The following SNTG1 variants were observed in gnomAD, a reference collection of about 807,000 sequenced individuals.
SNTG1 encodes gamma-1-syntrophin.
SNTG1 carries 39 observed loss-of-function variants against 74.7 expected under a neutral mutation model. The ratio of observed to expected loss-of-function variants is 0.52; its 90% CI spans 0.40 to 0.68. The LOEUF (loss-of-function observed/expected upper bound fraction) is 0.68. Ranked by LOEUF, SNTG1 falls within the 30% of genes least tolerant of loss-of-function variation. The pLI is 0.00. For missense variants in SNTG1, 685 were observed against 609.5 expected, an observed-to-expected ratio of 1.12 and a Z score of -1.30; for synonymous variants, 254 against 217.1, an observed-to-expected ratio of 1.17 and a Z score of -1.49.
intron 2 of SNTG1, among the ~76,000 whole-genome samples, chr8:50,249,999 G>T (rs1336250702): frequency 6.6e-6 from 1 of 151,456 alleles, no homozygotes; most frequent in Non-Finnish European, 1.5e-5. Context: ...TAAAATGCTT[G>T]AAAAAGAATT....
chr8:50,413,850 TTAAAC>T (rs2092981729), intron 4 of SNTG1, among the ~76,000 whole-genome samples: 2 of 152,176 alleles, frequency 1.3e-5, no homozygotes, highest in Admixed American at 1.3e-4. Context: ...AGTCTATCAT[TTAAAC>T]TATTTATTGA....
At chr8:50,295,805 T>C (rs1032801909) in intron 2 of SNTG1, among the ~76,000 whole-genome samples, 5 of 152,290 alleles carry the variant, frequency 3.3e-5, no homozygotes, top group African/African-American at 1.2e-4. Context: ...ACTGAACATA[T>C]CATGCATAGA....
At chr8:50,072,858 G>A (rs1821496499) in intron 1 of SNTG1, among the ~76,000 whole-genome samples, 1 of 152,144 alleles carries the variant, frequency 6.6e-6, no homozygotes, top group Non-Finnish European at 1.5e-5. Flanking sequence ...AGTGTACTAA[G>A]TGTACAATAA....
chr8:50,105,565 G>C lies in SNTG1; in HGVS notation c.-102-66996G>C, dbSNP rs192053038. Among the ~76,000 whole-genome samples, 4 of 151,496 alleles carry C rather than the reference G, an allele frequency of 2.6e-5. No individual in the cohort carries two copies. In the East Asian group the frequency reaches 7.8e-4, roughly 29 times the overall value. ...CTTCAAATAATTTTTTTCTAATTCTGTGAAGAAAGTTATTGGAATTTTAGT... is the reference window on the plus strand; with the variant it reads ...CTTCAAATAATTTTTTTCTAATTCTCTGAAGAAAGTTATTGGAATTTTAGT... On this transcript the variant is annotated intron_variant, in intron 1 of 18. Transcript: ENST00000642720.
intron 8 of SNTG1, among the ~76,000 whole-genome samples, chr8:50,487,363 A>T (rs187914873): frequency 3.6e-4 from 55 of 152,292 alleles, no homozygotes; most frequent in Middle Eastern, 3.4e-3. Context: ...ACTATAAATC[A>T]TGCTGCTATA....
chr8:50,590,454 A>G (rs2094684255), intron 12 of SNTG1, among the ~76,000 whole-genome samples: 1 of 152,106 alleles, frequency 6.6e-6, no homozygotes, highest in South Asian at 2.1e-4. Flanking sequence ...AATGTTCAAC[A>G]CACATACTTT....
At chr8:50,571,897 C>T (rs80054431) in intron 12 of SNTG1, among the ~76,000 whole-genome samples, 143 of 152,142 alleles carry the variant, frequency 9.4e-4, no homozygotes, top group African/African-American at 3.3e-3. Context: ...TTTAGAAACC[C>T]CTCATTCTAA....
At position 50,084,150 on chromosome 8, in the gene SNTG1, C is replaced by T. The variant is rs555254891; in HGVS notation, c.-102-88411C>T. On this transcript the variant is annotated intron_variant, in intron 1 of 18. Transcript: ENST00000642720. ...GAAATGTTGTGCTAAATAGTGTATG[C>T]TAGAAAATATTTAAGTAAACTGTAA... is the stretch of plus-strand genomic sequence containing the variant. Among the ~76,000 whole-genome samples the T allele has an allele frequency of 3.3e-5, 5 of 152,160 alleles. No homozygotes were observed. The East Asian group carries it at 7.7e-4, about 24-fold the overall frequency.
intron 2 of SNTG1, among the ~76,000 whole-genome samples, chr8:50,198,460 C>T (rs764063727): frequency 3.9e-5 from 6 of 152,098 alleles, no homozygotes; most frequent in Non-Finnish European, 8.8e-5. Context: ...GATTTTTCTC[C>T]AGCCTTGACA....
chr8:50,104,109 T>A (rs934329881), intron 1 of SNTG1, among the ~76,000 whole-genome samples: 1 of 152,162 alleles, frequency 6.6e-6, no homozygotes, highest in Non-Finnish European at 1.5e-5. Flanking sequence ...CCTTTTTCTA[T>A]TGATTGGAAT....
chr8:50,190,682 T>A (rs1021806073), intron 2 of SNTG1, among the ~76,000 whole-genome samples: 1 of 152,184 alleles, frequency 6.6e-6, no homozygotes, highest in African/African-American at 2.4e-5. Context: ...ATTGTTTCAA[T>A]AAAGCTTCTT....
intron 1 of SNTG1, among the ~76,000 whole-genome samples, chr8:50,144,791 C>A (rs1039419553): frequency 1.3e-5 from 2 of 152,010 alleles, no homozygotes; most frequent in Non-Finnish European, 2.9e-5. Context: ...GTACACAGAG[C>A]ATTTTTTATA....
chr8:50,308,864 A>C (rs2089998092), intron 2 of SNTG1, among the ~76,000 whole-genome samples: 1 of 152,060 alleles, frequency 6.6e-6, no homozygotes, highest in Non-Finnish European at 1.5e-5. Flanking sequence ...CTGGCAAATG[A>C]TTTCCAGAGC....
At chr8:50,339,810 A>T (rs2091266208) in intron 2 of SNTG1, among the ~76,000 whole-genome samples, 1 of 151,974 alleles carries the variant, frequency 6.6e-6, no homozygotes, top group Admixed American at 6.6e-5. Flanking sequence ...GTCAACAATG[A>T]CTTCAAATAT....
At chr8:50,033,451 G>T (rs1170216628) in intron 1 of SNTG1, among the ~76,000 whole-genome samples, 4 of 152,238 alleles carry the variant, frequency 2.6e-5, no homozygotes, top group African/African-American at 9.6e-5. Flanking sequence ...AATAATAATT[G>T]ATATATACCT....
chr8:50,339,568 ATAG>A (rs1349749144), intron 2 of SNTG1, among the ~76,000 whole-genome samples: 2 of 151,972 alleles, frequency 1.3e-5, no homozygotes, highest in Non-Finnish European at 2.9e-5. Flanking sequence ...GTGTTTTAGT[ATAG>A]TAGTCTTATA....
intron 1 of SNTG1, among the ~76,000 whole-genome samples, chr8:50,110,658 ATATT>A (rs576930096): frequency 1.1e-4 from 17 of 152,132 alleles, no homozygotes; most frequent in Non-Finnish European, 2.4e-4. Context: ...CCAGGTAAAC[ATATT>A]TAGTATATTT....
At chr8:50,104,897 C>T (rs532809223) in intron 1 of SNTG1, among the ~76,000 whole-genome samples, 67 of 152,118 alleles carry the variant, frequency 4.4e-4, no homozygotes, top group African/African-American at 1.6e-3. Context: ...TTGTTTTTCA[C>T]TTGTTGTTGT....
chr8:49,960,346 A>G (rs1810565614), intron 1 of SNTG1, among the ~76,000 whole-genome samples: 1 of 152,214 alleles, frequency 6.6e-6, no homozygotes, highest in African/African-American at 2.4e-5. Flanking sequence ...CTGTATTAAT[A>G]AATCAAGAGT....
Sources: allele counts gnomAD v4.1 joint callset (sites outside exome capture counted in the v4.1 genomes callset), GRCh38; gene constraint gnomAD v4.1.1; transcripts MANE v1.5; gene names NCBI Gene and HGNC (gene_info 2026-07-23, HGNC 2026-07-21).